Variants in LARGE1 observed in about 807,000 individuals in gnomAD.
LARGE1 encodes the protein LARGE xylosyl- and glucuronyltransferase 1, also known as xylosyl- and glucuronyltransferase LARGE1.
Under a neutral mutation model 87.6 loss-of-function variants are expected in LARGE1, and 43 were observed. The ratio of observed to expected loss-of-function variants is 0.49; its 90% CI spans 0.38 to 0.63. The LOEUF (loss-of-function observed/expected upper bound fraction) is 0.63, where lower values mean the gene tolerates loss of function less well. Ranked by LOEUF, LARGE1 falls within the 30% of genes least tolerant of loss-of-function variation. The probability of loss-of-function intolerance (pLI) is 0.00; values close to 1 mark genes in which losing one functional copy is unlikely to be tolerated. For synonymous variants in LARGE1, 434 were observed against 394.6 expected (o/e 1.10, Z -1.18); for missense variants, 802 against 1,000.2 (o/e 0.80, Z 2.67).
At chr22:33,231,852 A>G (rs1188398569) in intron 11 of LARGE1, among the ~76,000 whole-genome samples, 7 of 152,200 alleles carry the variant, frequency 4.6e-5, no homozygotes, top group Non-Finnish European at 8.8e-5. Flanking sequence ...AACTATTGCT[A>G]TTACTACTAT....
At chr22:33,287,996 T>C (rs749399855) in intron 12 of LARGE1, among the ~76,000 whole-genome samples, 11 of 152,130 alleles carry the variant, frequency 7.2e-5, no homozygotes, top group Non-Finnish European at 1.5e-4. Flanking sequence ...AAAAATATGT[T>C]GATGAGGATA....
At chr22:33,385,929 C>T (rs1412987881) in intron 7 of LARGE1, among the ~76,000 whole-genome samples, 2 of 148,930 alleles carry the variant, frequency 1.3e-5, no homozygotes, top group African/African-American at 4.9e-5. Context: ...AAATCACATA[C>T]AAATGTCAAC....
intron 3 of LARGE1, among the ~76,000 whole-genome samples, chr22:33,649,390 T>A (rs2080721347): frequency 6.6e-6 from 1 of 152,200 alleles, no homozygotes; most frequent in South Asian, 2.1e-4. Context: ...CACTCTTTAT[T>A]CCAGAAAATG....
chr22:33,392,920 C>T (rs2065585212), intron 7 of LARGE1, among the ~76,000 whole-genome samples: 1 of 152,108 alleles, frequency 6.6e-6, no homozygotes, highest in East Asian at 1.9e-4. Context: ...CAAACATTTC[C>T]AGGCCCATAG....
At chr22:33,846,540 T>C (rs2063435207) in intron 1 of LARGE1, among the ~76,000 whole-genome samples, 1 of 152,184 alleles carries the variant, frequency 6.6e-6, no homozygotes, top group Admixed American at 6.5e-5. Flanking sequence ...GTTCAGGGAA[T>C]AAGAGAGATA....
At chr22:33,710,363 A>C (rs575293688) in intron 2 of LARGE1, among the ~76,000 whole-genome samples, 3 of 152,356 alleles carry the variant, frequency 2.0e-5, no homozygotes, top group Admixed American at 2.0e-4. Flanking sequence ...AACTGGAAGA[A>C]TTGGCCCCAG....
intron 6 of LARGE1, among the ~76,000 whole-genome samples, chr22:33,500,311 T>C (rs1317119364): frequency 6.6e-6 from 1 of 152,146 alleles, no homozygotes; most frequent in African/African-American, 2.4e-5. Context: ...GACCATTCAA[T>C]TTAAGCTTTG....
intron 6 of LARGE1, among the ~76,000 whole-genome samples, chr22:33,458,708 G>A (rs986950924): frequency 1.1e-4 from 16 of 152,126 alleles, no homozygotes; most frequent in African/African-American, 3.6e-4. Context: ...GATTACATGC[G>A]TGAGCCACTG....
chr22:33,711,378 G>A (rs528205066), intron 2 of LARGE1, among the ~76,000 whole-genome samples: 4 of 152,142 alleles, frequency 2.6e-5, no homozygotes, highest in Non-Finnish European at 5.9e-5. Flanking sequence ...GCTATACTAC[G>A]CCTCAATTTA....
chr22:33,629,065 T>C (rs2080021168), intron 3 of LARGE1, among the ~76,000 whole-genome samples: 1 of 152,142 alleles, frequency 6.6e-6, no homozygotes, highest in Non-Finnish European at 1.5e-5. Flanking sequence ...TTCTGGTACC[T>C]TTTTTTCAGG....
At chr22:33,219,890 C>T (rs1925375745) in intron 11 of LARGE1, among the ~76,000 whole-genome samples, 1 of 152,170 alleles carries the variant, frequency 6.6e-6, no homozygotes, top group African/African-American at 2.4e-5. Context: ...TCACAAGGGA[C>T]AGTTTGTTCC....
intron 12 of LARGE1, among the ~76,000 whole-genome samples, chr22:33,284,244 A>C (rs1238301636): frequency 6.6e-6 from 1 of 152,198 alleles, no homozygotes; most frequent in Non-Finnish European, 1.5e-5. Context: ...GCACCAGAGC[A>C]GGTGGACAGA....
In LARGE1 at chr22:33,274,238, G is replaced by C. The variant is rs1928697009; in HGVS notation, c.*189C>G. The C allele has an allele frequency of 4.6e-6, 3 of 656,010 alleles. No individual in the cohort carries two copies. The highest frequency in any genetic ancestry group is 5.5e-6 in the Non-Finnish European group (2 of 366,590). The allele number at this position is 656,010 out of a possible 1,614,324, so 40.6% of individuals were successfully genotyped here. A position where few individuals can be genotyped will look rare whatever the true frequency, so the allele number is the denominator to read the frequency against. ...CTAACCTCTGGGAATGCAGGGTTGT[G>C]GGGCAGAGAGGGACTGGCTGGATCC... On this transcript the variant is annotated 3_prime_UTR_variant, in exon 15 of 15. Transcript: ENST00000397394.
chr22:33,192,543 G>A (rs977190436), intron 11 of LARGE1, among the ~76,000 whole-genome samples: 9 of 152,064 alleles, frequency 5.9e-5, no homozygotes, highest in African/African-American at 2.4e-5. Flanking sequence ...TGAATTGTAT[G>A]AATTTCTTAC....
chr22:33,270,522 G>C (rs544614962), downstream of LARGE1, among the ~76,000 whole-genome samples: 27 of 152,088 alleles, frequency 1.8e-4, no homozygotes, highest in Non-Finnish European at 3.2e-4. Flanking sequence ...AATTTCTCTG[G>C]GAGCTAGTTT....
intron 1 of LARGE1, among the ~76,000 whole-genome samples, chr22:33,858,320 G>T (rs2063815827): frequency 6.6e-6 from 1 of 152,174 alleles, no homozygotes; most frequent in East Asian, 1.9e-4. Flanking sequence ...GCAAGCGAAA[G>T]CTCAGCTCCA....
intron 2 of LARGE1, 57 bp downstream of exon 2, chr22:33,761,313 TG>T: frequency 1.5e-6 from 2 of 1,311,726 alleles, no homozygotes; most frequent in Non-Finnish European, 2.2e-6. Context: ...TAGGGTTCTA[TG>T]ACAGCTAATG....
intron 12 of LARGE1, among the ~76,000 whole-genome samples, chr22:33,302,550 G>T (rs956806899): frequency 2.0e-5 from 3 of 152,184 alleles, no homozygotes; most frequent in Non-Finnish European, 4.4e-5. Context: ...GGGTATGCAG[G>T]CTAAACCTAC....
chr22:33,152,407 C>T, the LARGE1 span, among the ~76,000 whole-genome samples: 1 of 152,182 alleles, frequency 6.6e-6, no homozygotes, highest in African/African-American at 2.4e-5. Flanking sequence ...AAAAGAGTGC[C>T]TACTGGCCCG....
Sources: gnomAD v4.1 joint callset for allele counts (sites outside exome capture counted in the v4.1 genomes callset) on GRCh38, gnomAD v4.1.1 for gene constraint, MANE v1.5 for transcripts, NCBI Gene and HGNC (gene_info 2026-07-23, HGNC 2026-07-21) for gene names.